Variants in DTNA observed in about 807,000 individuals in gnomAD.
DTNA encodes the protein dystrophin-related protein 3.
DTNA carries 43 observed loss-of-function variants against 100.7 expected under a neutral mutation model. The observed-to-expected ratio is 0.43, with a 90% CI of 0.33 to 0.55. The LOEUF is 0.55. Among genes scored for constraint, DTNA ranks in the 20% least tolerant of loss-of-function variants. The pLI is 0.04. For missense variants in DTNA, 798 were observed against 953.9 expected (o/e 0.84, Z 2.15); for synonymous variants, 349 against 347.9 (o/e 1.00, Z -0.04).
At chr18:34,766,289 G>A (rs1171000293) in intron 3 of DTNA, among the ~76,000 whole-genome samples, 1 of 152,130 alleles carries the variant, frequency 6.6e-6, no homozygotes, top group Admixed American at 6.5e-5. Context: ...TGAACCTCTG[G>A]ATACATATAC....
chr18:34,553,880 T>G (rs2045731300), intron 1 of DTNA, among the ~76,000 whole-genome samples: 1 of 152,100 alleles, frequency 6.6e-6, no homozygotes, highest in African/African-American at 2.4e-5. Flanking sequence ...TGGTTCCATA[T>G]GAACTTTAAA....
intron 3 of DTNA, among the ~76,000 whole-genome samples, chr18:34,766,448 A>C (rs961579968): frequency 1.3e-5 from 2 of 150,280 alleles, no homozygotes; most frequent in African/African-American, 4.9e-5. Flanking sequence ...CAAACACCAC[A>C]TGTTCTCACT....
At chr18:34,657,065 A>T (rs1360862906) in intron 1 of DTNA, among the ~76,000 whole-genome samples, 1 of 152,082 alleles carries the variant, frequency 6.6e-6, no homozygotes, top group Non-Finnish European at 1.5e-5. Flanking sequence ...TTCAGTAGAG[A>T]CAAGGTTTCA....
intron 7 of DTNA, among the ~76,000 whole-genome samples, chr18:34,816,958 G>GT (rs1377329354): frequency 6.6e-6 from 1 of 152,092 alleles, no homozygotes; most frequent in Admixed American, 6.5e-5. Flanking sequence ...AACAATCATA[G>GT]TTTTTTTATG....
At chr18:34,666,123 G>A (rs1382139203) in intron 1 of DTNA, among the ~76,000 whole-genome samples, 1 of 152,322 alleles carries the variant, frequency 6.6e-6, no homozygotes, top group African/African-American at 2.4e-5. Flanking sequence ...TCTAACTGGT[G>A]TGAGATGATA....
intron 1 of DTNA, among the ~76,000 whole-genome samples, chr18:34,613,866 T>A (rs911463292): frequency 1.4e-4 from 22 of 152,206 alleles, no homozygotes; most frequent in Non-Finnish European, 4.4e-5. Context: ...CTAAGAAGAC[T>A]GAGGAAGATA....
intron 1 of DTNA, among the ~76,000 whole-genome samples, chr18:34,719,532 C>T (rs913191999): frequency 5.3e-5 from 8 of 152,050 alleles, no homozygotes; most frequent in East Asian, 3.9e-4. Flanking sequence ...TCAACTACTA[C>T]GCCATCCTGC....
intron 1 of DTNA, among the ~76,000 whole-genome samples, chr18:34,515,864 C>A (rs1003562297): frequency 1.3e-5 from 2 of 152,100 alleles, no homozygotes; most frequent in Admixed American, 1.3e-4. Context: ...AGGATCATGA[C>A]GTGCTTGTGG....
At chr18:34,539,536 C>A (rs1336018899) in intron 1 of DTNA, among the ~76,000 whole-genome samples, 2 of 151,920 alleles carry the variant, frequency 1.3e-5, no homozygotes, top group Middle Eastern at 3.2e-3. Context: ...AGGTTCCAGG[C>A]AGGCTAGTTT....
At position 34,507,850 on chromosome 18, in the gene DTNA, GCACTAGAGTAATCCCTC is replaced by G. The variant is rs748507662; in HGVS notation, c.-2+14339_-2+14355del. Among the ~76,000 whole-genome samples, 400 of 152,274 alleles carry G rather than the reference GCACTAGAGTAATCCCTC, an allele frequency of 2.6e-3. 3 individuals carry two copies. The highest frequency in any genetic ancestry group is 6.8e-3 in the Middle Eastern group (2 of 294). The stretch of plus-strand genomic sequence containing the variant: ...CTACACGCTAACGTTGAGAACCACT[GCACTAGAGTAATCCCTC>G]CAACCATTGAAAAATATGCTAAATT... On this transcript the variant is annotated intron_variant, in intron 1 of 19. Transcript: ENST00000283365.
intron 3 of DTNA, 93 bp downstream of exon 3, chr18:34,766,134 A>G: frequency 7.6e-7 from 1 of 1,320,916 alleles, no homozygotes; most frequent in African/African-American, 1.5e-5. Context: ...TGTTACAAAT[A>G]TTGCTAATAT....
At chr18:34,612,737 G>T (rs2054479427) in intron 1 of DTNA, among the ~76,000 whole-genome samples, 1 of 152,168 alleles carries the variant, frequency 6.6e-6, no homozygotes, top group Non-Finnish European at 1.5e-5. Flanking sequence ...ATGGTGCTCA[G>T]CTTGCCTGTA....
chr18:34,652,319 C>A (rs12970314), intron 1 of DTNA, among the ~76,000 whole-genome samples: 16,902 of 152,010 alleles, frequency 0.11, 1,366 homozygotes, highest in African/African-American at 0.23. Flanking sequence ...GAGCTCAGAA[C>A]TCATCAATGA....
intron 1 of DTNA, among the ~76,000 whole-genome samples, chr18:34,618,029 A>G (rs373581127): frequency 7.9e-5 from 12 of 152,300 alleles, no homozygotes; most frequent in African/African-American, 2.4e-4. Flanking sequence ...AATACAGAGA[A>G]GCTAATCTCT....
intron 1 of DTNA, among the ~76,000 whole-genome samples, chr18:34,596,666 T>TTACAC (rs2050673854): frequency 1.3e-5 from 2 of 152,332 alleles, no homozygotes; most frequent in South Asian, 4.1e-4. Context: ...TTGTTTCTTT[T>TTACAC]TACACTCTTC....
intron 5 of DTNA, among the ~76,000 whole-genome samples, chr18:34,808,082 A>C (rs1001459947): frequency 2.6e-5 from 4 of 152,152 alleles, no homozygotes; most frequent in African/African-American, 9.6e-5. Flanking sequence ...CTTGAGAGAC[A>C]TCTAAAAATA....
At position 34,741,309 on chromosome 18, in the gene DTNA, T is replaced by C. The variant is rs187779936; in HGVS notation, c.-1-14667T>C. The stretch of plus-strand genomic sequence containing the variant: ...TAGAATAAGCAGGGTATCCTCCCAT[T>C]CAGGCAGTCCTTGATATGTGGTATT... On this transcript the variant is annotated intron_variant, in intron 1 of 22. Transcript: ENST00000444659. Among the ~76,000 whole-genome samples the C allele has an allele frequency of 2.2e-3, 328 of 151,124 alleles. 2 individuals carry two copies. The highest frequency in any genetic ancestry group is 7.6e-3 in the African/African-American group (309 of 40,844).
chr18:34,579,817 G>A (rs1161427179), intron 1 of DTNA, among the ~76,000 whole-genome samples: 1 of 152,040 alleles, frequency 6.6e-6, no homozygotes, highest in Non-Finnish European at 1.5e-5. Flanking sequence ...TCTTGCTTGG[G>A]TTTTACTTAA....
chr18:34,557,368 C>T (rs1259177940), intron 1 of DTNA, among the ~76,000 whole-genome samples: 3 of 150,970 alleles, frequency 2.0e-5, no homozygotes, highest in African/African-American at 4.9e-5. Context: ...TCTCTCAGCT[C>T]GTCAAAGTCA....
Sources: gnomAD v4.1 joint callset for allele counts (sites outside exome capture counted in the v4.1 genomes callset) on GRCh38, gnomAD v4.1.1 for gene constraint, MANE v1.5 for transcripts, NCBI Gene and HGNC (gene_info 2026-07-23, HGNC 2026-07-21) for gene names.